Variants in PHACTR1 observed in about 807,000 individuals in gnomAD.
PHACTR1 encodes the protein phosphatase and actin regulator 1.
Under a neutral mutation model 69.2 loss-of-function variants are expected in PHACTR1, and 16 were observed. That is an observed-to-expected ratio of 0.23 (90% CI 0.16 to 0.35). PHACTR1 has a LOEUF of 0.35. Among genes scored for constraint, PHACTR1 ranks in the 10% least tolerant of loss-of-function variants. The pLI, the probability that PHACTR1 is intolerant of heterozygous loss-of-function variation, is 1.00. For missense variants in PHACTR1, 510 were observed against 734.7 expected (o/e 0.69, Z 3.54); for synonymous variants, 312 against 284.5 (o/e 1.10, Z -0.97).
Position 13,283,418 on chromosome 6 carries a change from G to C in PHACTR1, c.1510-4G>C, listed in dbSNP as rs747395540. ...ACTGGGTCCATCTCTCTCCCTCCCT[G>C]CAGCTCAGTCAAAGGCCCACGGTGG... is the stretch of plus-strand genomic sequence containing the variant. On this transcript the variant is annotated splice_polypyrimidine_tract_variant and splice_region_variant and intron_variant, in intron 12 of 14. Coordinates refer to ENST00000332995, the MANE Select transcript of PHACTR1 (RefSeq NM_030948.6). The surrounding 1 kb of genome is among the most constrained non-coding windows in gnomAD (Gnocchi z 4.7). 1.9e-6 allele frequency: 3 copies of C among 1,613,306 alleles called. No homozygotes were observed. In the South Asian group the frequency reaches 3.3e-5, roughly 18 times the overall value.
intron 5 of PHACTR1, 149 bp downstream of exon 5, chr6:13,053,678 G>C: frequency 1.1e-6 from 1 of 949,984 alleles, no homozygotes; most frequent in Non-Finnish European, 1.5e-6. Context: ...AATTTTTTCA[G>C]TATGATCAAG....
At chr6:13,171,188 C>T (rs1269691960) in intron 6 of PHACTR1, among the ~76,000 whole-genome samples, 10 of 148,584 alleles carry the variant, frequency 6.7e-5, no homozygotes, top group South Asian at 4.3e-4. Context: ...ACCCCACTTC[C>T]GCCCAAGTAG....
intron 5 of PHACTR1, among the ~76,000 whole-genome samples, chr6:13,119,781 A>G (rs1046996640): frequency 2.0e-5 from 3 of 152,196 alleles, no homozygotes; most frequent in African/African-American, 7.2e-5. Flanking sequence ...GAACACTTCC[A>G]GCAGAACAGA....
chr6:13,055,062 G>A (rs1286138522), intron 5 of PHACTR1, among the ~76,000 whole-genome samples: 1 of 152,092 alleles, frequency 6.6e-6, no homozygotes, highest in Non-Finnish European at 1.5e-5. Flanking sequence ...TCACTTTTGG[G>A]AAAGAAAGAG....
At chr6:13,273,579 A>T (rs1330978044) in intron 11 of PHACTR1, 1 of 150,404 alleles carries the variant, frequency 6.6e-6, no homozygotes, top group African/African-American at 2.4e-5. Flanking sequence ...TGTACAGAGG[A>T]TCCACTTGGT....
chr6:13,201,969 G>A lies in PHACTR1; in HGVS notation c.665-3846G>A, dbSNP rs1365078420. 2.0e-5 allele frequency among the ~76,000 whole-genome samples: 3 copies of A among 152,196 alleles called. No individual in the cohort carries two copies. In the East Asian group the frequency reaches 5.8e-4, roughly 29 times the overall value. ...TTATGAAATCCACTGAGCCAAAAAT[G>A]ATTTTAAATGATTTGCTTTTATTCG... On this transcript the variant is annotated intron_variant, in intron 7 of 14. Transcript: ENST00000332995.
chr6:13,165,276 G>A (rs1245932861), intron 6 of PHACTR1, among the ~76,000 whole-genome samples: 4 of 152,130 alleles, frequency 2.6e-5, no homozygotes, highest in African/African-American at 7.2e-5. Flanking sequence ...AATTAATGGT[G>A]TAAAATAATC....
At chr6:13,112,423 T>C (rs184357486) in intron 5 of PHACTR1, among the ~76,000 whole-genome samples, 1 of 152,372 alleles carries the variant, frequency 6.6e-6, no homozygotes, top group Non-Finnish European at 1.5e-5. Context: ...ATGGTAGTTC[T>C]GCTTTTAGGT....
intron 10 of PHACTR1, among the ~76,000 whole-genome samples, chr6:13,240,589 G>A (rs980417579): frequency 6.6e-6 from 1 of 152,082 alleles, no homozygotes; most frequent in Admixed American, 6.5e-5. Context: ...TGGGACTACA[G>A]GAGTGTGCCA....
intron 4 of PHACTR1, among the ~76,000 whole-genome samples, chr6:12,926,758 C>G (rs768034549): frequency 3.3e-5 from 5 of 152,200 alleles, no homozygotes; most frequent in African/African-American, 1.2e-4. Flanking sequence ...TTTACAAATC[C>G]GTCTTACAAA....
rs554500754 is a variant in PHACTR1, at chr6:13,063,699, G to C, written c.415+10170G>C. On this transcript the variant is annotated intron_variant, in intron 5 of 14. Coordinates refer to ENST00000332995, the MANE Select transcript of PHACTR1 (RefSeq NM_030948.6). ...GGAGGCTAAGGTGGGAGGATCACATGAGCCCAGGAGATCAAGGCTGCAGTG... is the reference window on the plus strand; with the variant it reads ...GGAGGCTAAGGTGGGAGGATCACATCAGCCCAGGAGATCAAGGCTGCAGTG... 2.0e-5 allele frequency among the ~76,000 whole-genome samples: 3 copies of C among 151,956 alleles called. No homozygotes were observed. The South Asian group carries it at 6.2e-4, about 32-fold the overall frequency.
At chr6:12,828,185 T>C (rs2127722185) in intron 4 of PHACTR1, among the ~76,000 whole-genome samples, 1 of 152,330 alleles carries the variant, frequency 6.6e-6, no homozygotes. Context: ...CAAAAGGATT[T>C]ATTTATAGAT....
At chr6:12,894,621 A>T (rs866696747) in intron 4 of PHACTR1, among the ~76,000 whole-genome samples, 1 of 152,130 alleles carries the variant, frequency 6.6e-6, no homozygotes, top group Non-Finnish European at 1.5e-5. Context: ...GAAACAAAAA[A>T]ACTTCTCATT....
Position 12,862,305 on chromosome 6 carries a change from G to A in PHACTR1, c.250+112515G>A, listed in dbSNP as rs1229284958. 5.9e-5 allele frequency among the ~76,000 whole-genome samples: 9 copies of A among 151,630 alleles called. No individual in the cohort carries two copies. In the East Asian group the frequency reaches 1.7e-3, roughly 29 times the overall value. On this transcript the variant is annotated intron_variant, in intron 4 of 14. Transcript: ENST00000332995. ...TTGGCCAATGTTGGTGAGTCCTGTG[G>A]AGATCTGGAGCCAGAATGGCCTGAC...
chr6:13,132,731 A>T (rs60274477), intron 5 of PHACTR1, among the ~76,000 whole-genome samples: 75,532 of 147,028 alleles, frequency 0.51, 19,747 homozygotes, highest in East Asian at 0.69. Flanking sequence ...CGTATTGCTA[A>T]AAAAAAAAAA....
intron 6 of PHACTR1, among the ~76,000 whole-genome samples, chr6:13,178,347 G>GC (rs544595502): frequency 1.2e-3 from 185 of 152,228 alleles, no homozygotes; most frequent in Admixed American, 5.2e-3. Context: ...AGCATTTCCT[G>GC]CCGGAAACCT....
intron 10 of PHACTR1, among the ~76,000 whole-genome samples, chr6:13,243,244 C>CTTT (rs58107564): frequency 1.5e-5 from 2 of 136,262 alleles, no homozygotes; most frequent in Non-Finnish European, 1.6e-5. Flanking sequence ...TGTCAGACCA[C>CTTT]TTTTTTTTTT....
intron 8 of PHACTR1, among the ~76,000 whole-genome samples, chr6:13,208,582 C>T (rs1396120955): frequency 6.6e-6 from 1 of 151,970 alleles, no homozygotes. Flanking sequence ...TTTGTACTAA[C>T]ACACAGCTGC....
At chr6:13,010,027 A>G (rs1328459275) in intron 4 of PHACTR1, among the ~76,000 whole-genome samples, 2 of 152,118 alleles carry the variant, frequency 1.3e-5, no homozygotes, top group African/African-American at 4.8e-5. Context: ...TGTTAAATGC[A>G]TAGATCTCTG....
Sources: allele counts gnomAD v4.1 joint callset (sites outside exome capture counted in the v4.1 genomes callset), GRCh38; gene constraint gnomAD v4.1.1; non-coding constraint Gnocchi (gnomAD v3.1); transcripts MANE v1.5; gene names NCBI Gene and HGNC (gene_info 2026-07-23, HGNC 2026-07-21).